SGCD: variants seen among roughly 807,000 people sequenced by gnomAD.
SGCD encodes delta-sarcoglycan.
In SGCD, 18 loss-of-function variants were observed where a neutral mutation model predicts 36.6. The observed-to-expected ratio is 0.49, with a 90% confidence interval of 0.34 to 0.73. The LOEUF is 0.73. Among genes scored for constraint, SGCD ranks in the 30% least tolerant of loss-of-function variants. SGCD has a pLI of 0.01. For missense variants in SGCD, 387 were observed against 346.7 expected, an observed-to-expected ratio of 1.12 and a Z score of -0.92; for synonymous variants, 133 against 130.6, an observed-to-expected ratio of 1.02 and a Z score of -0.12.
Position 156,628,061 on chromosome 5 carries a change from C to T in SGCD, c.503-19403C>T, listed in dbSNP as rs1006068098. 2.0e-5 allele frequency among the ~76,000 whole-genome samples: 3 copies of T among 152,262 alleles called. No individual in the cohort carries two copies. The East Asian group carries it at 5.8e-4, about 29-fold the overall frequency. On this transcript the variant is annotated intron_variant, in intron 6 of 8. Coordinates refer to ENST00000337851, the MANE Select transcript of SGCD (RefSeq NM_000337.6). Reference sequence around the variant, plus strand: ...TCAGCTTTGGGGAAGCCTCAGGAAACTTACAGTCATGGTGGAAGGCAGAGG... The same window carrying T: ...TCAGCTTTGGGGAAGCCTCAGGAAATTTACAGTCATGGTGGAAGGCAGAGG...
intron 1 of SGCD, among the ~76,000 whole-genome samples, chr5:155,915,897 C>G (rs920211254): frequency 6.6e-5 from 10 of 152,174 alleles, no homozygotes; most frequent in Non-Finnish European, 1.0e-4. Context: ...CACTTATTGA[C>G]TGCCCAGTGG....
At chr5:155,769,534 C>A in the SGCD span, among the ~76,000 whole-genome samples, 1 of 151,960 alleles carries the variant, frequency 6.6e-6, no homozygotes, top group Non-Finnish European at 1.5e-5. Flanking sequence ...ACTTTGCTCC[C>A]AAATGGTTGA....
intron 6 of SGCD, among the ~76,000 whole-genome samples, chr5:156,597,174 T>C (rs1194789241): frequency 6.6e-6 from 1 of 152,220 alleles, no homozygotes; most frequent in Non-Finnish European, 1.5e-5. Context: ...GATATTTTTA[T>C]ACAATGTTTT....
chr5:155,972,949 A>G (rs1236784505), intron 1 of SGCD, among the ~76,000 whole-genome samples: 1 of 152,068 alleles, frequency 6.6e-6, no homozygotes, highest in Non-Finnish European at 1.5e-5. Context: ...TTAACCCTAG[A>G]TATGTCACAT....
intron 1 of SGCD, among the ~76,000 whole-genome samples, chr5:155,881,009 G>A (rs1203169479): frequency 1.3e-5 from 2 of 151,936 alleles, no homozygotes; most frequent in African/African-American, 4.8e-5. Flanking sequence ...TAAAAAATGT[G>A]GATTCAGGGA....
Position 156,543,659 on chromosome 5 carries a change from G to A in SGCD, c.294+34957G>A, listed in dbSNP as rs115387290. ...CATGGGAAAACAAATGTAAGGGGCT[G>A]GGCTAAGTGCCAGACACAAAGTGCT... On this transcript the variant is annotated intron_variant, in intron 4 of 8. Transcript: ENST00000337851. Among the ~76,000 whole-genome samples the A allele has an allele frequency of 2.2e-3, 331 of 152,278 alleles. 2 individuals carry two copies. The highest frequency in any genetic ancestry group is 7.7e-3 in the African/African-American group (322 of 41,570).
chr5:155,781,687 C>A, the SGCD span, among the ~76,000 whole-genome samples: 1 of 151,854 alleles, frequency 6.6e-6, no homozygotes, highest in African/African-American at 2.4e-5. Flanking sequence ...CCCAGGCTGG[C>A]CCTAAACTCC....
At chr5:156,488,290 A>G (rs1236820363) in intron 3 of SGCD, among the ~76,000 whole-genome samples, 1 of 151,980 alleles carries the variant, frequency 6.6e-6, no homozygotes, top group Non-Finnish European at 1.5e-5. Context: ...AATTTTTACA[A>G]AAGGTGTAAG....
chr5:156,684,514 G>T (rs573362828), intron 7 of SGCD, among the ~76,000 whole-genome samples: 1 of 152,130 alleles, frequency 6.6e-6, no homozygotes, highest in South Asian at 2.1e-4. Flanking sequence ...GAACACTTCC[G>T]TATCCCTTTT....
intron 3 of SGCD, among the ~76,000 whole-genome samples, chr5:156,158,042 G>A (rs552302254): frequency 1.3e-5 from 2 of 149,948 alleles, no homozygotes; most frequent in East Asian, 3.9e-4. Flanking sequence ...ACAGGAAACT[G>A]TGTAATTGGT....
At chr5:156,688,126 G>A (rs73302817) in intron 7 of SGCD, among the ~76,000 whole-genome samples, 4,029 of 152,062 alleles carry the variant, frequency 0.026, 179 homozygotes, top group African/African-American at 0.092. Context: ...AACTCGTGTC[G>A]CGGGGGTTTG....
At chr5:156,210,459 C>T (rs1373242404) in intron 3 of SGCD, among the ~76,000 whole-genome samples, 1 of 151,964 alleles carries the variant, frequency 6.6e-6, no homozygotes, top group African/African-American at 2.4e-5. Context: ...CAGTAGCTGA[C>T]CCCTAAGAAA....
chr5:156,311,031 C>T (rs1216524005), intron 3 of SGCD, among the ~76,000 whole-genome samples: 1 of 151,946 alleles, frequency 6.6e-6, no homozygotes, highest in Non-Finnish European at 1.5e-5. Flanking sequence ...TCTGTGAAAG[C>T]CTAACATTGG....
At chr5:156,300,330 G>T (rs889283742) in intron 3 of SGCD, among the ~76,000 whole-genome samples, 3 of 151,612 alleles carry the variant, frequency 2.0e-5, no homozygotes, top group Non-Finnish European at 4.4e-5. Context: ...TTCATTATTT[G>T]TTTCAAGAAA....
At chr5:156,606,322 T>C (rs1761451109) in intron 6 of SGCD, among the ~76,000 whole-genome samples, 1 of 152,242 alleles carries the variant, frequency 6.6e-6, no homozygotes, top group Admixed American at 6.5e-5. Context: ...CCATTTCTTC[T>C]TTTTGTCAGG....
the SGCD span, among the ~76,000 whole-genome samples, chr5:155,819,175 T>C: frequency 3.7e-3 from 568 of 152,340 alleles, 4 homozygotes; most frequent in African/African-American, 0.013. Flanking sequence ...CTTCAAACAT[T>C]CTGAAATCCC....
chr5:156,665,151 T>C (rs1346609784), intron 7 of SGCD, among the ~76,000 whole-genome samples: 1 of 152,180 alleles, frequency 6.6e-6, no homozygotes, highest in Non-Finnish European at 1.5e-5. Flanking sequence ...ATTGATAGGC[T>C]ACTGGCGGTT....
At chr5:155,796,143 G>T in the SGCD span, among the ~76,000 whole-genome samples, 1 of 152,110 alleles carries the variant, frequency 6.6e-6, no homozygotes, top group African/African-American at 2.4e-5. Context: ...AATCATGAGA[G>T]AAATTATATT....
At chr5:156,152,423 G>A (rs1762854272) in intron 3 of SGCD, among the ~76,000 whole-genome samples, 1 of 151,532 alleles carries the variant, frequency 6.6e-6, no homozygotes, top group Admixed American at 6.6e-5. Flanking sequence ...CATATATCTA[G>A]TACAGTAGCC....
Sources: allele counts gnomAD v4.1 joint callset (sites outside exome capture counted in the v4.1 genomes callset), GRCh38; gene constraint gnomAD v4.1.1; transcripts MANE v1.5; gene names NCBI Gene and HGNC (gene_info 2026-07-23, HGNC 2026-07-21).